Variants in SH3D19 observed in about 807,000 individuals in gnomAD.
The protein encoded by SH3D19 is SH3 domain containing 19.
In SH3D19, 58 loss-of-function variants were observed where a neutral mutation model predicts 112.1. The observed-to-expected ratio is 0.52, with a 90% CI of 0.42 to 0.64. The LOEUF is 0.64. SH3D19 is among the 30% of genes least tolerant of loss of function. The pLI, the probability that SH3D19 is intolerant of heterozygous loss-of-function variation, is 0.00. For missense variants in SH3D19, 1,090 were observed against 1,263.4 expected, an observed-to-expected ratio of 0.86 and a Z score of 2.08; for synonymous variants, 391 against 448.5, an observed-to-expected ratio of 0.87 and a Z score of 1.62.
At chr4:151,319,858 C>T (rs534253241) in intron 1 of SH3D19, among the ~76,000 whole-genome samples, 2 of 152,090 alleles carry the variant, frequency 1.3e-5, no homozygotes, top group East Asian at 1.9e-4. Flanking sequence ...GGTATAAATG[C>T]GTGGAGCATC....
intron 3 of SH3D19, among the ~76,000 whole-genome samples, chr4:151,185,057 T>C: frequency 6.7e-6 from 1 of 150,214 alleles, no homozygotes; most frequent in South Asian, 2.1e-4. Context: ...TTTTTTTTTT[T>C]TTTTTTTTTT....
chr4:151,133,051 G>A lies in SH3D19; in HGVS notation c.2672C>T (p.Ser891Phe). The change falls in exon 16 of 20, where the codon TCT becomes TTT. Residue 891 changes from serine to phenylalanine, a missense_variant. Ser to Phe is a radical substitution (Grantham distance 155). Transcript: ENST00000604030. ...ATACTCACTTAAAACATTTGCACCA[G>A]AGGTGGGATAATCCTCAACAGGCTC... ...FVEPVEDYPT[S>F]GANVLSTKVP... The A allele has an allele frequency of 6.2e-7, 1 of 1,613,936 alleles. No individual in the cohort carries two copies. Among genetic ancestry groups the A allele is most frequent in the Non-Finnish European group, 8.5e-7 (1 of 1,179,888 alleles).
chr4:151,215,941 T>G (rs1767015893), intron 2 of SH3D19, among the ~76,000 whole-genome samples: 1 of 152,064 alleles, frequency 6.6e-6, no homozygotes. Flanking sequence ...TTTTCCTGCC[T>G]CAAGCCTCCT....
At chr4:151,167,905 C>T (rs998218330) in intron 7 of SH3D19, among the ~76,000 whole-genome samples, 14 of 150,684 alleles carry the variant, frequency 9.3e-5, no homozygotes, top group Non-Finnish European at 1.5e-5. Context: ...GGAAGTGAGG[C>T]GCGCCTCTGC....
At chr4:151,285,367 C>T (rs1774645862) in intron 1 of SH3D19, among the ~76,000 whole-genome samples, 1 of 152,036 alleles carries the variant, frequency 6.6e-6, no homozygotes, top group South Asian at 2.1e-4. Context: ...GTAAAACAAG[C>T]CTCAATAAAG....
At chr4:151,191,717 C>T (rs1762659582) in intron 2 of SH3D19, among the ~76,000 whole-genome samples, 1 of 151,900 alleles carries the variant, frequency 6.6e-6, no homozygotes, top group Non-Finnish European at 1.5e-5. Flanking sequence ...GCAATCTCGG[C>T]TCACTGCAAG....
chr4:151,261,435 G>A (rs1383801670), intron 1 of SH3D19: 1 of 152,350 alleles, frequency 6.6e-6, no homozygotes, highest in Admixed American at 6.5e-5. Flanking sequence ...CCCAGTTTCT[G>A]TTAGCCCTGT....
chr4:151,176,737 GTGT>G, intron 5 of SH3D19, 50 bp from the exon 6 acceptor site: 5 of 1,225,818 alleles, frequency 4.1e-6, no homozygotes, highest in Non-Finnish European at 5.1e-6. Flanking sequence ...AATAGCTAAG[GTGT>G]TGACAGTCTC....
At chr4:151,134,287 G>A (rs1199612089) in intron 15 of SH3D19, among the ~76,000 whole-genome samples, 1 of 151,760 alleles carries the variant, frequency 6.6e-6, no homozygotes, top group Non-Finnish European at 1.5e-5. Context: ...AGCAGGTAAT[G>A]AATTCTATTA....
intron 1 of SH3D19, among the ~76,000 whole-genome samples, chr4:151,255,214 C>T (rs1209453834): frequency 4.0e-5 from 6 of 151,298 alleles, no homozygotes; most frequent in Admixed American, 2.0e-4. Context: ...GGCGGAGAGG[C>T]TCCTCACTTC....
intron 1 of SH3D19, among the ~76,000 whole-genome samples, chr4:151,263,430 G>A (rs1772527693): frequency 6.6e-6 from 1 of 152,190 alleles, no homozygotes; most frequent in Non-Finnish European, 1.5e-5. Context: ...GATAAAACGG[G>A]CCAGGCCGGA....
chr4:151,196,737 T>C (rs1763528047), intron 2 of SH3D19, among the ~76,000 whole-genome samples: 1 of 151,864 alleles, frequency 6.6e-6, no homozygotes, highest in Admixed American at 6.6e-5. Context: ...CTTCACAATC[T>C]ATACATCCAA....
chr4:151,294,304 T>C (rs1775554954), intron 1 of SH3D19, among the ~76,000 whole-genome samples: 1 of 152,232 alleles, frequency 6.6e-6, no homozygotes, highest in Non-Finnish European at 1.5e-5. Context: ...AAAGTAGGTT[T>C]TCAAATATCA....
chr4:151,159,471 T>C, intron 8 of SH3D19, 119 bp from the exon 9 acceptor site: 1 of 632,898 alleles, frequency 1.6e-6, no homozygotes, highest in Non-Finnish European at 2.7e-6. Flanking sequence ...CACAAATAGT[T>C]AAGCAAATGA....
Position 151,198,327 on chromosome 4 carries a change from T to TAA in SH3D19, c.153-10866_153-10865dup, listed in dbSNP as rs1167525773. 1.2e-4 allele frequency among the ~76,000 whole-genome samples: 10 copies of TAA among 81,196 alleles called. 1 individual carries two copies. The highest frequency in any genetic ancestry group is 3.2e-4 in the East Asian group (1 of 3,124). The allele number at this position is 81,196 out of a possible 152,430, so 53.3% of individuals were successfully genotyped here. A position where few individuals can be genotyped will look rare whatever the true frequency, so the allele number is the denominator to read the frequency against. Reference sequence around the variant, plus strand: ...CTCAAAAAAAAAAAAAATATATATATAATATAAAAATATATATTATATAAA... The same window carrying TAA: ...CTCAAAAAAAAAAAAAATATATATATAAAATATAAAAATATATATTATATAAA... On this transcript the variant is annotated intron_variant, in intron 2 of 19. Transcript: ENST00000604030.
Position 151,174,955 on chromosome 4 carries a change from T to G in SH3D19, c.1249A>C (p.Thr417Pro). 6.2e-7 allele frequency: 1 copy of G among 1,613,916 alleles called. No individual in the cohort carries two copies. The highest frequency in any genetic ancestry group is 8.5e-7 in the Non-Finnish European group (1 of 1,179,930). ...ESSDSGKKVP[T>P]PAPRPLLLKK... is the part of the protein sequence containing the mutation. ...AGCAGCAAAGGCCGCGGGGCAGGAG[T>G]TGGCACTTTCTTCCCACTATCAGAG... The change falls in exon 7 of 20, where the codon ACT (threonine) becomes CCT (proline). Residue 417 changes from threonine to proline, a missense_variant. Physicochemically the swap from Thr to Pro is conservative, Grantham distance 38 (BLOSUM62 -1). Transcript: ENST00000604030.
chr4:151,287,995 C>T (rs1429589375), intron 1 of SH3D19, among the ~76,000 whole-genome samples: 2 of 151,876 alleles, frequency 1.3e-5, no homozygotes. Context: ...GTTAATATAC[C>T]ATGTTCTTAG....
chr4:151,186,706 G>T (rs1761835818), intron 3 of SH3D19, among the ~76,000 whole-genome samples: 1 of 151,956 alleles, frequency 6.6e-6, no homozygotes, highest in South Asian at 2.1e-4. Flanking sequence ...AAAAGTGCTG[G>T]GATTACAGGC....
At chr4:151,253,998 T>C (rs1304354079) in intron 1 of SH3D19, among the ~76,000 whole-genome samples, 7 of 152,222 alleles carry the variant, frequency 4.6e-5, no homozygotes, top group African/African-American at 1.7e-4. Flanking sequence ...GGTTTGAGTA[T>C]GATTACAGAC....
Sources: gnomAD v4.1 joint callset for allele counts (sites outside exome capture counted in the v4.1 genomes callset) on GRCh38, gnomAD v4.1.1 for gene constraint, MANE v1.5 for transcripts, NCBI Gene and HGNC (gene_info 2026-07-23, HGNC 2026-07-21) for gene names.